Variants in BCL2L13 observed in about 807,000 individuals in gnomAD.
BCL2L13 encodes BCL2 like 13.
A neutral mutation model predicts 25.8 loss-of-function variants in BCL2L13; 13 were observed. That is an observed-to-expected ratio of 0.50 (90% CI 0.33 to 0.80). The LOEUF is 0.80. Among genes scored for constraint, BCL2L13 ranks in the 30% least tolerant of loss-of-function variants. The probability of loss-of-function intolerance (pLI) is 0.02; values close to 1 mark genes in which losing one functional copy is unlikely to be tolerated. For missense variants in BCL2L13, 504 were observed against 574.9 expected (o/e 0.88, Z 1.26); for synonymous variants, 244 against 230.3 (o/e 1.06, Z -0.54).
intron 2 of BCL2L13, among the ~76,000 whole-genome samples, chr22:17,663,284 A>G (rs1346458226): frequency 6.6e-6 from 1 of 152,222 alleles, no homozygotes; most frequent in Admixed American, 6.6e-5. Context: ...AAATGATGGA[A>G]TTCAGTAGTA....
chr22:17,638,129 T>C (rs1226715364), upstream of BCL2L13: 1 of 152,194 alleles, frequency 6.6e-6, no homozygotes, highest in African/African-American at 2.4e-5. Context: ...TCCAAAGAAC[T>C]CTCGGATTCA....
chr22:17,643,730 C>CCATTCTCCTCTCT (rs1173585992), intron 1 of BCL2L13, among the ~76,000 whole-genome samples: 5 of 151,544 alleles, frequency 3.3e-5, no homozygotes, highest in Non-Finnish European at 4.4e-5. Flanking sequence ...TGGGTTCATG[C>CCATTCTCCTCTCT]CAGGAGGTGT....
chr22:17,696,565 C>T (rs542360956), intron 5 of BCL2L13, among the ~76,000 whole-genome samples: 2 of 152,180 alleles, frequency 1.3e-5, no homozygotes, highest in South Asian at 4.1e-4. Flanking sequence ...GAGGTAGCCT[C>T]TTCCTGTTCT....
intron 2 of BCL2L13, among the ~76,000 whole-genome samples, chr22:17,664,420 C>A (rs963126563): frequency 6.6e-6 from 1 of 152,302 alleles, no homozygotes; most frequent in East Asian, 1.9e-4. Context: ...TAGCCACCCC[C>A]CCCCGGCTCC....
At chr22:17,722,727 G>A (rs1301725933) in intron 6 of BCL2L13, among the ~76,000 whole-genome samples, 2 of 152,078 alleles carry the variant, frequency 1.3e-5, no homozygotes, top group African/African-American at 4.8e-5. Context: ...ATTTCCATAA[G>A]AAAAAACCTG....
intron 6 of BCL2L13, among the ~76,000 whole-genome samples, chr22:17,722,940 ACTT>A (rs779664455): frequency 5.3e-5 from 8 of 152,262 alleles, no homozygotes; most frequent in Non-Finnish European, 7.4e-5. Context: ...TTAAAAATGT[ACTT>A]CTTTTTTAAT....
chr22:17,720,368 T>G (rs2061084833), intron 6 of BCL2L13, among the ~76,000 whole-genome samples: 1 of 152,000 alleles, frequency 6.6e-6, no homozygotes, highest in South Asian at 2.1e-4. Context: ...TAATTTTTCT[T>G]TTTTTGAGAT....
chr22:17,640,309 T>A (rs1259712033), intron 1 of BCL2L13, among the ~76,000 whole-genome samples: 1 of 152,118 alleles, frequency 6.6e-6, no homozygotes, highest in Non-Finnish European at 1.5e-5. Flanking sequence ...CTGTTCTGTA[T>A]TTTTTTTCCA....
intron 2 of BCL2L13, among the ~76,000 whole-genome samples, chr22:17,681,442 T>C (rs2059752777): frequency 6.7e-6 from 1 of 148,740 alleles, no homozygotes; most frequent in Non-Finnish European, 1.5e-5. Context: ...GAGCTTACAG[T>C]GAGCAGAGCT....
At chr22:17,632,511 C>G (rs5747296) in intron 1 of BCL2L13, among the ~76,000 whole-genome samples, 79,521 of 151,884 alleles carry the variant, frequency 0.52, 22,584 homozygotes, top group African/African-American at 0.74. Context: ...TGCTAGAGGA[C>G]TATTCTACCC....
intron 1 of BCL2L13, among the ~76,000 whole-genome samples, chr22:17,632,834 A>G (rs1057274690): frequency 2.7e-5 from 4 of 149,964 alleles, no homozygotes; most frequent in Admixed American, 2.7e-4. Flanking sequence ...GCTCACTGCA[A>G]CCTCTGCCTC....
In BCL2L13 at chr22:17,696,212, TATC is replaced by T. The variant is rs746423100; in HGVS notation, c.456+7_456+9del. 3 of 1,612,060 alleles carry T rather than the reference TATC, an allele frequency of 1.9e-6. No individual in the cohort carries two copies. ...GTTCATGCCAGCGGCTGGAATAAGG[TATC>T]ATCACAATGATCTTTTCTCTTAAAA... is the stretch of plus-strand genomic sequence containing the variant. On this transcript the variant is annotated splice_donor_5th_base_variant and intron_variant, in intron 5 of 6. Transcript: ENST00000317582.
chr22:17,694,596 A>G (rs1232764377), intron 4 of BCL2L13, among the ~76,000 whole-genome samples: 1 of 152,168 alleles, frequency 6.6e-6, no homozygotes, highest in East Asian at 1.9e-4. Flanking sequence ...AGTACAAAAA[A>G]TTATTGAGCT....
intron 2 of BCL2L13, among the ~76,000 whole-genome samples, chr22:17,678,932 A>G (rs1409742693): frequency 1.3e-5 from 2 of 152,066 alleles, no homozygotes; most frequent in Non-Finnish European, 2.9e-5. Flanking sequence ...TGCATGGTGG[A>G]GTATAGTTGA....
intron 6 of BCL2L13, among the ~76,000 whole-genome samples, chr22:17,718,040 T>C (rs1417810472): frequency 6.6e-6 from 1 of 151,814 alleles, no homozygotes; most frequent in Non-Finnish European, 1.5e-5. Context: ...TGAGCTGTGT[T>C]CTCGCCACAG....
At chr22:17,721,254 C>T (rs1331709962) in intron 6 of BCL2L13, among the ~76,000 whole-genome samples, 1 of 152,156 alleles carries the variant, frequency 6.6e-6, no homozygotes, top group African/African-American at 2.4e-5. Flanking sequence ...AGCCTCTTCA[C>T]CTGATTCAAA....
At chr22:17,633,886 C>A (rs769010576), upstream of BCL2L13, among the ~76,000 whole-genome samples, 4 of 152,002 alleles carry the variant, frequency 2.6e-5, no homozygotes, top group East Asian at 5.8e-4. Flanking sequence ...GCTCCTGAAG[C>A]CTTCCGCTGG....
intron 1 of BCL2L13, among the ~76,000 whole-genome samples, chr22:17,631,626 C>T: frequency 8.0e-6 from 1 of 125,610 alleles, no homozygotes; most frequent in African/African-American, 3.1e-5. Flanking sequence ...AGCTCTTTGT[C>T]CTTTTAGTAG....
At position 17,638,857 on chromosome 22, in the gene BCL2L13, C is replaced by T. The variant is rs2058161988; in HGVS notation, c.-80C>T. The T allele has an allele frequency of 1.6e-6, 2 of 1,232,194 alleles. No homozygotes were observed. Among genetic ancestry groups the T allele is most frequent in the African/African-American group, 1.6e-5 (1 of 64,442 alleles). The allele number at this position is 1,232,194 out of a possible 1,614,324, so 76.3% of individuals were successfully genotyped here. Reference sequence around the variant, plus strand: ...AAGCAACTGCCGCCGCCGCCTCTTTCATCTCTTCTGGGGCAGGGGCCAGGG... The same window carrying T: ...AAGCAACTGCCGCCGCCGCCTCTTTTATCTCTTCTGGGGCAGGGGCCAGGG... On this transcript the variant is annotated 5_prime_UTR_variant, in exon 1 of 7. Transcript: ENST00000317582.
Sources: allele counts gnomAD v4.1 joint callset (sites outside exome capture counted in the v4.1 genomes callset), GRCh38; gene constraint gnomAD v4.1.1; transcripts MANE v1.5; gene names NCBI Gene and HGNC (gene_info 2026-07-23, HGNC 2026-07-21).